NAV3: variants seen among roughly 807,000 people sequenced by gnomAD.
NAV3 encodes pore membrane and/or filament interacting like protein 1.
In NAV3, 87 loss-of-function variants were observed where a neutral mutation model predicts 244.7. The observed-to-expected ratio is 0.36, with a 90% confidence interval of 0.30 to 0.42. The LOEUF is 0.42. NAV3 is among the 20% of genes least tolerant of loss of function. The probability of loss-of-function intolerance (pLI) is 1.00; values close to 1 mark genes in which losing one functional copy is unlikely to be tolerated. For missense variants in NAV3, 2,663 were observed against 2,893.3 expected, an observed-to-expected ratio of 0.92 and a Z score of 1.83; for synonymous variants, 1,126 against 1,042.2, an observed-to-expected ratio of 1.08 and a Z score of -1.55.
intron 11 of NAV3, among the ~76,000 whole-genome samples, chr12:78,054,766 A>G (rs1883236790): frequency 6.6e-6 from 1 of 152,160 alleles, no homozygotes; most frequent in Non-Finnish European, 1.5e-5. Flanking sequence ...AGGAGATGGA[A>G]AATAGTACCG....
intron 38 of NAV3, among the ~76,000 whole-genome samples, chr12:78,203,132 A>T (rs1006492702): frequency 1.3e-5 from 2 of 152,088 alleles, no homozygotes; most frequent in Non-Finnish European, 2.9e-5. Context: ...CTATCAATTC[A>T]TCTCATTCTG....
intron 1 of NAV3, among the ~76,000 whole-genome samples, chr12:77,883,364 TC>T (rs1439400376): frequency 6.6e-6 from 1 of 152,108 alleles, no homozygotes; most frequent in African/African-American, 2.4e-5. Context: ...TACCGCATGT[TC>T]TCTCTAACTG....
At chr12:77,961,523 AC>A (rs1277079141) in intron 3 of NAV3, among the ~76,000 whole-genome samples, 1 of 128,614 alleles carries the variant, frequency 7.8e-6, no homozygotes, top group African/African-American at 2.9e-5. Flanking sequence ...TATAATATAT[AC>A]TTTAATAATA....
At chr12:77,589,081 A>G (rs1360548517) in intron 2 of NAV3, among the ~76,000 whole-genome samples, 1 of 152,218 alleles carries the variant, frequency 6.6e-6, no homozygotes, top group Non-Finnish European at 1.5e-5. Context: ...GGATACAGAT[A>G]AAGGATCTAG....
At chr12:78,064,187 C>A (rs770593378) in intron 12 of NAV3, among the ~76,000 whole-genome samples, 3 of 152,048 alleles carry the variant, frequency 2.0e-5, no homozygotes, top group African/African-American at 7.2e-5. Flanking sequence ...GTATGATAAT[C>A]CTTGGCTGTC....
At chr12:77,647,594 T>C (rs1481627480) in intron 2 of NAV3, among the ~76,000 whole-genome samples, 1 of 152,128 alleles carries the variant, frequency 6.6e-6, no homozygotes, top group East Asian at 1.9e-4. Flanking sequence ...AAAAGACCAG[T>C]GAACAAAATC....
At chr12:77,997,430 A>C (rs1172751834) in intron 6 of NAV3, among the ~76,000 whole-genome samples, 1 of 152,166 alleles carries the variant, frequency 6.6e-6, no homozygotes. Context: ...TTAAGAGTGA[A>C]ATGAATGATC....
At chr12:77,860,146 A>T (rs11615529) in intron 1 of NAV3, among the ~76,000 whole-genome samples, 69,021 of 151,518 alleles carry the variant, frequency 0.46, 16,215 homozygotes, top group East Asian at 0.56. Context: ...ATATATTTGT[A>T]TGTATGTGTG....
At position 77,968,613 on chromosome 12, in the gene NAV3, G is replaced by A. The variant is rs2137991632; in HGVS notation, c.582G>A (p.Gln194=). 6.2e-7 allele frequency: 1 copy of A among 1,614,104 alleles called. No homozygotes were observed. Residue 194 remains glutamine (Q), a synonymous_variant, in exon 5 of 40, where the codon CAG becomes CAA. Coordinates refer to ENST00000397909, the MANE Select transcript of NAV3 (RefSeq NM_001024383.2). ...AACACCATCAACAACAGTACTATCAGTCCTTGGTGGAACTTCAGCAGCGAG... is the reference window on the plus strand; with the variant it reads ...AACACCATCAACAACAGTACTATCAATCCTTGGTGGAACTTCAGCAGCGAG... ...QQQHHQQQYY[Q]SLVELQQRVT... is the part of the protein sequence containing the mutation.
At chr12:77,926,318 G>A (rs1450670329) in intron 1 of NAV3, among the ~76,000 whole-genome samples, 3 of 152,108 alleles carry the variant, frequency 2.0e-5, no homozygotes, top group African/African-American at 7.2e-5. Flanking sequence ...TTAAAACATA[G>A]GAATGAATGC....
intron 23 of NAV3, among the ~76,000 whole-genome samples, chr12:78,163,228 T>C (rs1957640485): frequency 6.6e-6 from 1 of 152,058 alleles, no homozygotes; most frequent in African/African-American, 2.4e-5. Flanking sequence ...AATTGTCATT[T>C]GATTTATAGA....
chr12:77,586,516 A>C (rs1869621222), intron 2 of NAV3, among the ~76,000 whole-genome samples: 1 of 152,182 alleles, frequency 6.6e-6, no homozygotes, highest in Non-Finnish European at 1.5e-5. Context: ...TTCTAATAGA[A>C]TGTTGATTAA....
intron 3 of NAV3, among the ~76,000 whole-genome samples, chr12:77,960,103 T>C (rs2137812958): frequency 6.6e-6 from 1 of 151,764 alleles, no homozygotes; most frequent in Non-Finnish European, 1.5e-5. Context: ...GGAGGGTAAA[T>C]GTGAGAAGAG....
chr12:78,011,049 G>T (rs142319472), intron 8 of NAV3, among the ~76,000 whole-genome samples: 117 of 152,132 alleles, frequency 7.7e-4, no homozygotes, highest in African/African-American at 2.5e-3. Flanking sequence ...TTTCAAATTT[G>T]CTGTTATTCT....
intron 2 of NAV3, among the ~76,000 whole-genome samples, chr12:77,696,755 A>G (rs1212482811): frequency 6.6e-6 from 1 of 152,164 alleles, no homozygotes; most frequent in African/African-American, 2.4e-5. Flanking sequence ...AAGGCTTCTT[A>G]CATGCATAGG....
intron 20 of NAV3, among the ~76,000 whole-genome samples, chr12:78,142,698 T>C (rs1479297439): frequency 2.8e-5 from 2 of 70,938 alleles, no homozygotes; most frequent in Non-Finnish European, 5.9e-5. Context: ...TATATACATA[T>C]GTATGTGTAT....
At position 78,204,828 on chromosome 12, in the gene NAV3, C is replaced by T; in HGVS notation, c.6835-107C>T. The T allele has an allele frequency of 1.5e-5, 13 of 888,134 alleles. No homozygotes were observed. In the South Asian group the frequency reaches 2.0e-4, roughly 14 times the overall value. 55.0% of individuals were successfully genotyped at this position (888,134 alleles called of 1,614,324 possible). A position where few individuals can be genotyped will look rare whatever the true frequency, so the allele number is the denominator to read the frequency against. ...ACAGATACTTAATTCTCTTGAAAGTCCCTTAAGAACTCAATATGTCAAAAA... is the reference window on the plus strand; with the variant it reads ...ACAGATACTTAATTCTCTTGAAAGTTCCTTAAGAACTCAATATGTCAAAAA... On this transcript the variant is annotated intron_variant, in intron 38 of 39. Transcript: ENST00000397909.
intron 9 of NAV3, among the ~76,000 whole-genome samples, chr12:78,047,637 A>C (rs1384201691): frequency 6.6e-6 from 1 of 152,142 alleles, no homozygotes; most frequent in Non-Finnish European, 1.5e-5. Flanking sequence ...GCTGCCCTTA[A>C]CATTTTTTCC....
Position 78,075,649 on chromosome 12 carries a change from T to C in NAV3, c.2636+16534T>C, listed in dbSNP as rs117449999. ...TTTTAAGTGAAAAGAGAGTATGAGA[T>C]TTTTAGATATAAAGACTTAGATTTA... On this transcript the variant is annotated intron_variant, in intron 12 of 39. Coordinates refer to ENST00000397909, the MANE Select transcript of NAV3 (RefSeq NM_001024383.2). Among the ~76,000 whole-genome samples, 881 of 152,266 alleles carry C rather than the reference T, an allele frequency of 5.8e-3. 5 individuals carry two copies. Among genetic ancestry groups the C allele is most frequent in the Admixed American group, 0.012 (176 of 15,294 alleles).
Sources: allele counts gnomAD v4.1 joint callset (sites outside exome capture counted in the v4.1 genomes callset), GRCh38; gene constraint gnomAD v4.1.1; transcripts MANE v1.5; gene names NCBI Gene and HGNC (gene_info 2026-07-23, HGNC 2026-07-21).